Variants in ZNF469 observed in about 807,000 individuals in gnomAD.
ZNF469 encodes zinc finger protein 469.
ZNF469 carries 1 observed loss-of-function variant against 1.0 expected under a neutral mutation model. That is an observed-to-expected ratio of 1.00 (90% CI 0.35 to 4.73). The LOEUF (loss-of-function observed/expected upper bound fraction) is 4.73. Among genes scored for constraint, ZNF469 ranks in the 30% most tolerant of loss-of-function variants. The pLI is 0.16. For synonymous variants in ZNF469, 2,703 were observed against 2,363.4 expected, an observed-to-expected ratio of 1.14 and a Z score of -4.17; for missense variants, 6,100 against 5,356.3, an observed-to-expected ratio of 1.14 and a Z score of -4.33.
At chr16:88,353,902 G>T in the ZNF469 span, among the ~76,000 whole-genome samples, 1 of 152,194 alleles carries the variant, frequency 6.6e-6, no homozygotes, top group Non-Finnish European at 1.5e-5. Context: ...CCTCCCTGCT[G>T]TTGGCCTCTA....
At chr16:88,257,874 C>G in the ZNF469 span, among the ~76,000 whole-genome samples, 2 of 152,150 alleles carry the variant, frequency 1.3e-5, no homozygotes, top group African/African-American at 4.8e-5. Flanking sequence ...TGAGACCCCA[C>G]AAAAGGCTTA....
At chr16:88,397,524 A>T (rs996477318) in intron 1 of ZNF469, among the ~76,000 whole-genome samples, 1 of 152,200 alleles carries the variant, frequency 6.6e-6, no homozygotes, top group African/African-American at 2.4e-5. Context: ...TCTCAATGTT[A>T]GCAGTCTTTG....
chr16:88,248,780 T>G, the ZNF469 span, among the ~76,000 whole-genome samples: 1 of 152,180 alleles, frequency 6.6e-6, no homozygotes, highest in South Asian at 2.1e-4. Context: ...GCCACTCATT[T>G]CAACAGGTCA....
At chr16:88,255,146 A>G in the ZNF469 span, among the ~76,000 whole-genome samples, 1 of 152,222 alleles carries the variant, frequency 6.6e-6, no homozygotes, top group Non-Finnish European at 1.5e-5. Flanking sequence ...CAATGAGCCC[A>G]AGTAATTTAA....
In ZNF469 at chr16:88,431,965, C is replaced by T. The variant is rs1906221911; in HGVS notation, c.4495C>T (p.Pro1499Ser). Reference sequence around the variant, plus strand: ...GACGGTGCCGTCAGATCCACCGTACCCCTCTTTTTTGCTGCTTGAGGAAGT... The same window carrying T: ...GACGGTGCCGTCAGATCCACCGTACTCCTCTTTTTTGCTGCTTGAGGAAGT... ...QKTVPSDPPYPSFLLLEEVSP... is the reference protein window; with the variant it reads ...QKTVPSDPPYSSFLLLEEVSP... Residue 1499 changes from proline to serine, a missense_variant, in exon 3 of 3, where the codon CCC becomes TCC. Transcript: ENST00000565624. 1 of 1,549,704 alleles carries T rather than the reference C, an allele frequency of 6.5e-7. No individual in the cohort carries two copies. The highest frequency in any genetic ancestry group is 8.7e-7 in the Non-Finnish European group (1 of 1,146,970).
At chr16:88,385,538 G>C (rs2092534999) in intron 1 of ZNF469, among the ~76,000 whole-genome samples, 1 of 151,880 alleles carries the variant, frequency 6.6e-6, no homozygotes, top group Non-Finnish European at 1.5e-5. Flanking sequence ...AGCTACTAGG[G>C]AGGCTGAGGA....
At chr16:88,418,891 G>A (rs938451757) in intron 1 of ZNF469, among the ~76,000 whole-genome samples, 15 of 152,372 alleles carry the variant, frequency 9.8e-5, no homozygotes, top group Non-Finnish European at 1.8e-4. Flanking sequence ...TAAATGTCAG[G>A]AGGCAGCAGC....
the ZNF469 span, among the ~76,000 whole-genome samples, chr16:88,121,272 A>G: frequency 1.7e-4 from 25 of 151,242 alleles, no homozygotes; most frequent in South Asian, 5.2e-3. Context: ...TGCTCTCCTT[A>G]CACTGACTTT....
the ZNF469 span, among the ~76,000 whole-genome samples, chr16:88,297,915 T>A: frequency 3.3e-5 from 5 of 152,174 alleles, no homozygotes; most frequent in African/African-American, 9.6e-5. Context: ...CAGGAGTCCC[T>A]GGGAGGTGAC....
Position 88,438,032 on chromosome 16 carries a change from A to T in ZNF469, c.10562A>T (p.Lys3521Met). The part of the protein sequence containing the change: ...LCSEVAPSTT[K>M]GWPETLERPV... The stretch of plus-strand genomic sequence containing the variant: ...TCGGAGGTGGCTCCCAGCACCACCA[A>T]GGGATGGCCCGAGACCCTAGAGAGG... Residue 3521 changes from lysine to methionine, a missense_variant, in exon 3 of 3, where the codon AAG becomes ATG. Coordinates refer to ENST00000565624, the MANE Select transcript of ZNF469 (RefSeq NM_001367624.2). 6.5e-7 allele frequency: 1 copy of T among 1,550,148 alleles called. No homozygotes were observed. The highest frequency in any genetic ancestry group is 8.7e-7 in the Non-Finnish European group (1 of 1,146,926).
the ZNF469 span, among the ~76,000 whole-genome samples, chr16:88,258,666 G>C: frequency 6.6e-6 from 1 of 152,138 alleles, no homozygotes; most frequent in East Asian, 1.9e-4. Flanking sequence ...TGAGCGTTTG[G>C]GTGAGGGTGA....
At chr16:88,421,892 G>A (rs1905470880) in intron 1 of ZNF469, among the ~76,000 whole-genome samples, 1 of 152,246 alleles carries the variant, frequency 6.6e-6, no homozygotes, top group Non-Finnish European at 1.5e-5. Flanking sequence ...CTAAGGCTGC[G>A]AATCTGTCAC....
At chr16:88,233,639 G>C in the ZNF469 span, among the ~76,000 whole-genome samples, 2 of 152,230 alleles carry the variant, frequency 1.3e-5, no homozygotes, top group Admixed American at 6.5e-5. Flanking sequence ...CATGAAACAG[G>C]ATCCCAAAAC....
chr16:88,253,762 C>A, the ZNF469 span, among the ~76,000 whole-genome samples: 2 of 152,290 alleles, frequency 1.3e-5, no homozygotes, highest in African/African-American at 4.8e-5. Context: ...TAGTCTCGAA[C>A]TCCTGACCTC....
At chr16:88,227,561 G>A in the ZNF469 span, among the ~76,000 whole-genome samples, 1 of 103,776 alleles carries the variant, frequency 9.6e-6, no homozygotes, top group South Asian at 3.0e-4. Flanking sequence ...CCTGTCTCCT[G>A]GCCCCCGGCC....
chr16:88,228,319 C>T, the ZNF469 span, among the ~76,000 whole-genome samples: 396 of 152,342 alleles, frequency 2.6e-3, 1 homozygote, highest in Admixed American at 7.1e-3. Flanking sequence ...CTGTGGGTCC[C>T]GTGAGACAGC....
the ZNF469 span, among the ~76,000 whole-genome samples, chr16:88,322,144 C>T: frequency 3.3e-5 from 5 of 152,320 alleles, no homozygotes; most frequent in East Asian, 3.9e-4. Context: ...TGGGCTGCTC[C>T]GACCCTCCCC....
the ZNF469 span, among the ~76,000 whole-genome samples, chr16:88,139,918 C>A: frequency 6.6e-6 from 1 of 152,258 alleles, no homozygotes; most frequent in Non-Finnish European, 1.5e-5. Flanking sequence ...GCCCAGCATT[C>A]GTGAGACAGT....
rs1364703200 is a variant in ZNF469, at chr16:88,434,476, C to G, written c.7006C>G (p.Arg2336Gly). 5 of 1,550,000 alleles carry G rather than the reference C, an allele frequency of 3.2e-6. No individual in the cohort carries two copies. The South Asian group carries it at 5.9e-5, about 18-fold the overall frequency. The change falls in exon 3 of 3, where the codon CGC becomes GGC. Residue 2336 changes from arginine to glycine, a missense_variant. By Grantham distance (125) the Arg-to-Gly change is moderately radical (BLOSUM62 -2). Coordinates refer to ENST00000565624, the MANE Select transcript of ZNF469 (RefSeq NM_001367624.2). ...CTCGTATTCTCCAAGCAATACTGCC[C>G]GCCTCGGCCACAGGGAGGGCCAGGC... ...HSSYSPSNTARLGHREGQAVT... is the reference protein window; with the variant it reads ...HSSYSPSNTAGLGHREGQAVT...
Sources: allele counts gnomAD v4.1 joint callset (sites outside exome capture counted in the v4.1 genomes callset), GRCh38; gene constraint gnomAD v4.1.1; transcripts MANE v1.5; gene names NCBI Gene and HGNC (gene_info 2026-07-23, HGNC 2026-07-21).